The following RYR2 variants were observed in gnomAD, a reference collection of about 807,000 sequenced individuals.
RYR2 encodes the protein cardiac muscle ryanodine receptor-calcium release channel.
Under a neutral mutation model 601.1 loss-of-function variants are expected in RYR2, and 227 were observed. That is an observed-to-expected ratio of 0.38 (90% CI 0.34 to 0.42). The LOEUF (loss-of-function observed/expected upper bound fraction) is 0.42, where lower values mean the gene tolerates loss of function less well. RYR2 is among the 10% of genes least tolerant of loss of function. RYR2 has a pLI of 1.00. For synonymous variants in RYR2, 2,223 were observed against 2,175.1 expected (o/e 1.02, Z -0.61); for missense variants, 4,646 against 6,156.5 (o/e 0.75, Z 8.21).
intron 2 of RYR2, among the ~76,000 whole-genome samples, chr1:237,307,607 GTTT>G (rs1694005623): frequency 6.6e-6 from 1 of 151,998 alleles, no homozygotes; most frequent in Admixed American, 6.6e-5. Context: ...CTTGAGTTTT[GTTT>G]TTGTTTTTCA....
chr1:237,810,837 A>T (rs1661178357), intron 100 of RYR2, among the ~76,000 whole-genome samples: 3 of 152,160 alleles, frequency 2.0e-5, no homozygotes, highest in African/African-American at 7.2e-5. Context: ...CATTTAATTT[A>T]AAAAAACAAG....
At chr1:237,490,624 C>T (rs1663224143) in intron 17 of RYR2, among the ~76,000 whole-genome samples, 1 of 152,130 alleles carries the variant, frequency 6.6e-6, no homozygotes. Context: ...AACTGTTATG[C>T]ATTGTTGGAA....
chr1:237,065,259 G>T (rs1663424069), intron 1 of RYR2, among the ~76,000 whole-genome samples: 1 of 138,040 alleles, frequency 7.2e-6, no homozygotes, highest in African/African-American at 2.7e-5. Flanking sequence ...AAGAGCTCTT[G>T]TGTGCTATCC....
intron 76 of RYR2, among the ~76,000 whole-genome samples, chr1:237,728,951 A>G (rs1690441787): frequency 6.6e-6 from 1 of 150,658 alleles, no homozygotes; most frequent in Admixed American, 6.7e-5. Flanking sequence ...AAAGTAATGA[A>G]AGCAAAAAAA....
intron 29 of RYR2, among the ~76,000 whole-genome samples, chr1:237,574,306 T>C (rs970401271): frequency 6.6e-6 from 1 of 152,188 alleles, no homozygotes; most frequent in African/African-American, 2.4e-5. Flanking sequence ...ATTGGACTGA[T>C]AACCATTCAA....
intron 12 of RYR2, among the ~76,000 whole-genome samples, chr1:237,436,445 G>A (rs888093190): frequency 3.5e-4 from 21 of 59,858 alleles, no homozygotes; most frequent in African/African-American, 1.7e-3. Flanking sequence ...GGGATAATGT[G>A]TGATTTTCCT....
At chr1:237,464,866 C>A (rs1274490069) in intron 16 of RYR2, among the ~76,000 whole-genome samples, 3 of 152,102 alleles carry the variant, frequency 2.0e-5, no homozygotes, top group Non-Finnish European at 4.4e-5. Context: ...GAGGTAATGT[C>A]ACCATTTACT....
At chr1:237,533,255 C>G (rs1266439192) in intron 25 of RYR2, among the ~76,000 whole-genome samples, 1 of 152,078 alleles carries the variant, frequency 6.6e-6, no homozygotes, top group Non-Finnish European at 1.5e-5. Context: ...TCTCTATTGA[C>G]AAAAATCTTC....
At chr1:237,503,156 G>T in intron 21 of RYR2, 133 bp from the exon 22 acceptor site, 1 of 707,014 alleles carries the variant, frequency 1.4e-6, no homozygotes. Flanking sequence ...ATCACATTAT[G>T]ATGGTACGTA....
At chr1:237,092,292 A>G (rs1332635389) in intron 1 of RYR2, among the ~76,000 whole-genome samples, 1 of 152,120 alleles carries the variant, frequency 6.6e-6, no homozygotes, top group Non-Finnish European at 1.5e-5. Flanking sequence ...ATCCTTAGGT[A>G]CGCTCCAGAT....
chr1:237,406,188 C>A, intron 10 of RYR2, among the ~76,000 whole-genome samples: 1 of 70,046 alleles, frequency 1.4e-5, no homozygotes, highest in Non-Finnish European at 2.6e-5. Flanking sequence ...CCCTCCCCTC[C>A]CCTTCCCTTC....
chr1:237,585,311 T>C (rs1193589798), intron 29 of RYR2, among the ~76,000 whole-genome samples: 5 of 152,188 alleles, frequency 3.3e-5, no homozygotes, highest in Non-Finnish European at 5.9e-5. Flanking sequence ...GGTTTCCTCA[T>C]GTGGAAAATG....
intron 1 of RYR2, among the ~76,000 whole-genome samples, chr1:237,209,570 G>A (rs916285328): frequency 2.0e-5 from 3 of 150,448 alleles, no homozygotes. Context: ...ATGCCAGAGA[G>A]GGCTGGGCAC....
chr1:237,585,741 G>A (rs1201158049), intron 29 of RYR2, among the ~76,000 whole-genome samples: 2 of 152,136 alleles, frequency 1.3e-5, no homozygotes, highest in Non-Finnish European at 2.9e-5. Context: ...AAATATGCTA[G>A]TTTCTACCTG....
intron 24 of RYR2, among the ~76,000 whole-genome samples, chr1:237,515,861 CTCTCTTCTTTTCCTT>C (rs1666456126): frequency 3.6e-5 from 1 of 28,112 alleles, no homozygotes; most frequent in African/African-American, 1.3e-4. Flanking sequence ...TTCTTCTCTT[CTCTCTTCTTTTCCTT>C]CCTCTTCTCC....
chr1:237,561,908 A>G (rs1238141361), intron 27 of RYR2, among the ~76,000 whole-genome samples: 1 of 152,184 alleles, frequency 6.6e-6, no homozygotes, highest in Non-Finnish European at 1.5e-5. Context: ...ATTAAAAGAT[A>G]GATGTTGAGA....
intron 1 of RYR2, among the ~76,000 whole-genome samples, chr1:237,262,396 C>G (rs2149317191): frequency 6.6e-6 from 1 of 151,896 alleles, no homozygotes; most frequent in South Asian, 2.1e-4. Flanking sequence ...GCTGGGATTA[C>G]AGGCACACAC....
chr1:237,397,202 C>A (rs1453355878), intron 10 of RYR2, among the ~76,000 whole-genome samples: 8 of 151,214 alleles, frequency 5.3e-5, no homozygotes, highest in Non-Finnish European at 1.0e-4. Flanking sequence ...CATGCCACTG[C>A]ACTCTGGCCT....
intron 1 of RYR2, among the ~76,000 whole-genome samples, chr1:237,145,047 A>G (rs1283804947): frequency 6.6e-6 from 1 of 151,592 alleles, no homozygotes; most frequent in East Asian, 1.9e-4. Context: ...GGAGGGGAAC[A>G]TCATACACTG....
Sources: allele counts gnomAD v4.1 joint callset (sites outside exome capture counted in the v4.1 genomes callset), GRCh38; gene constraint gnomAD v4.1.1; transcripts MANE v1.5; gene names NCBI Gene and HGNC (gene_info 2026-07-23, HGNC 2026-07-21).